SAXO1: variants seen among roughly 807,000 people sequenced by gnomAD.
SAXO1 encodes the protein stabilizer of axonemal microtubules 1.
A neutral mutation model predicts 17.5 loss-of-function variants in SAXO1; 21 were observed. The observed-to-expected ratio is 1.20, with a 90% CI of 0.85 to 1.72. The LOEUF (loss-of-function observed/expected upper bound fraction) is 1.72, where lower values mean the gene tolerates loss of function less well. Ranked by LOEUF, SAXO1 falls within the 40% of genes most tolerant of loss-of-function variation. SAXO1 has a pLI of 0.00. For synonymous variants in SAXO1, 274 were observed against 216.5 expected, an observed-to-expected ratio of 1.27 and a Z score of -2.33; for missense variants, 843 against 596.0, an observed-to-expected ratio of 1.41 and a Z score of -4.32.
In SAXO1 at chr9:18,979,679, A is replaced by T. The variant is rs958107320; in HGVS notation, c.39-28742T>A. ...GCAAGAGTGTATGGGCTGAGAGGAT[A>T]ACAGCCTAGAATTGGAGGCAGCATA... On this transcript the variant is annotated intron_variant, in intron 1 of 3. Transcript: ENST00000380534. Among the ~76,000 whole-genome samples, 3 of 152,336 alleles carry T rather than the reference A, an allele frequency of 2.0e-5. 1 individual carries two copies. The highest frequency in any genetic ancestry group is 2.0e-4 in the Admixed American group (3 of 15,302).
chr9:18,943,496 G>C (rs1304232349), intron 2 of SAXO1, among the ~76,000 whole-genome samples: 1 of 152,190 alleles, frequency 6.6e-6, no homozygotes, highest in African/African-American at 2.4e-5. Context: ...AAGAGGGTAA[G>C]TCCTTAGGCT....
At chr9:18,991,112 G>A (rs1210200036) in intron 1 of SAXO1, among the ~76,000 whole-genome samples, 2 of 152,026 alleles carry the variant, frequency 1.3e-5, no homozygotes, top group African/African-American at 4.8e-5. Flanking sequence ...ACAAAAACTA[G>A]ACATGCAAGG....
chr9:19,026,436 G>C (rs1835473403), intron 1 of SAXO1, among the ~76,000 whole-genome samples: 1 of 152,122 alleles, frequency 6.6e-6, no homozygotes, highest in South Asian at 2.1e-4. Context: ...AAATAAAAGA[G>C]CTAGAGACCA....
At chr9:18,986,608 G>C (rs1368302136) in intron 1 of SAXO1, among the ~76,000 whole-genome samples, 1 of 109,940 alleles carries the variant, frequency 9.1e-6, no homozygotes, top group African/African-American at 2.7e-5. Context: ...TTCTCCAAAG[G>C]AGAAAAAAAA....
intron 1 of SAXO1, among the ~76,000 whole-genome samples, chr9:18,997,345 C>T (rs143838598): frequency 4.7e-4 from 72 of 152,360 alleles, no homozygotes; most frequent in African/African-American, 1.6e-3. Flanking sequence ...TCACTGCTAG[C>T]GCAGCAGTAT....
In SAXO1 at chr9:18,941,529, A is replaced by T; in HGVS notation, c.421+108T>A. On this transcript the variant is annotated intron_variant, in intron 3 of 3. Transcript: ENST00000380534. ...TGGCCAGATCTGGCCCGTAGGAAGT[A>T]GTCTGCCAACTCTTGCACTAACTGA... 1.7e-5 allele frequency: 22 copies of T among 1,262,178 alleles called. No homozygotes were observed. In the South Asian group the frequency reaches 2.8e-4, roughly 16 times the overall value. The allele number at this position is 1,262,178 out of a possible 1,614,324, so 78.2% of individuals were successfully genotyped here.
intron 1 of SAXO1, among the ~76,000 whole-genome samples, chr9:18,960,251 C>T (rs942736569): frequency 6.6e-6 from 1 of 152,172 alleles, no homozygotes; most frequent in African/African-American, 2.4e-5. Flanking sequence ...TGCCAATGGC[C>T]TCATCACCTC....
chr9:18,966,125 G>A (rs1211284845), intron 1 of SAXO1, among the ~76,000 whole-genome samples: 1 of 152,200 alleles, frequency 6.6e-6, no homozygotes, highest in Non-Finnish European at 1.5e-5. Context: ...TTAGTCTGAT[G>A]GGCTTCCCTT....
rs181426817 is a variant in SAXO1, at chr9:18,945,861, C to T, written c.219-4022G>A. On this transcript the variant is annotated intron_variant, in intron 2 of 3. Transcript: ENST00000380534. ...AATGGCACTGTGTGAGGCTTCATTG[C>T]TTAATTTTCCATTAACTATTTAAGA... 5.4e-4 allele frequency among the ~76,000 whole-genome samples: 82 copies of T among 152,296 alleles called. 1 individual carries two copies. The highest frequency in any genetic ancestry group is 1.9e-3 in the African/African-American group (77 of 41,556).
chr9:18,961,027 G>A (rs1832462087), intron 1 of SAXO1, among the ~76,000 whole-genome samples: 1 of 152,090 alleles, frequency 6.6e-6, no homozygotes, highest in South Asian at 2.1e-4. Flanking sequence ...AACTCAGCAA[G>A]TGCACCTCAA....
At chr9:19,035,604 C>G (rs1186379267), upstream of SAXO1, among the ~76,000 whole-genome samples, 1 of 152,186 alleles carries the variant, frequency 6.6e-6, no homozygotes, top group African/African-American at 2.4e-5. Context: ...CCGAAGAAGA[C>G]AGGAAAATGT....
At chr9:19,025,762 C>T (rs1175586321) in intron 1 of SAXO1, among the ~76,000 whole-genome samples, 1 of 152,298 alleles carries the variant, frequency 6.6e-6, no homozygotes, top group South Asian at 2.1e-4. Flanking sequence ...TAAGCTATAT[C>T]AATCCCTTCA....
At chr9:19,036,319 T>G (rs565861705), upstream of SAXO1, among the ~76,000 whole-genome samples, 3 of 150,288 alleles carry the variant, frequency 2.0e-5, no homozygotes, top group African/African-American at 7.3e-5. Flanking sequence ...TGAGGAGAAA[T>G]TCAAGCTGGC....
At chr9:18,941,019 A>G (rs1235058367) in intron 3 of SAXO1, among the ~76,000 whole-genome samples, 1 of 152,218 alleles carries the variant, frequency 6.6e-6, no homozygotes, top group East Asian at 1.9e-4. Context: ...GGTACTGTTT[A>G]TATGGATTTG....
At chr9:19,015,642 C>T (rs888800270) in intron 1 of SAXO1, among the ~76,000 whole-genome samples, 1 of 113,096 alleles carries the variant, frequency 8.8e-6, no homozygotes, top group Non-Finnish European at 2.0e-5. Flanking sequence ...CACGCCTGGC[C>T]CTTTTTTTTT....
At chr9:18,933,629 T>C (rs535954674) in intron 3 of SAXO1, among the ~76,000 whole-genome samples, 117 of 152,354 alleles carry the variant, frequency 7.7e-4, no homozygotes, top group African/African-American at 2.8e-3. Context: ...GCCTTCATTA[T>C]TGAATCATAA....
chr9:19,004,323 T>C (rs2130967499), intron 1 of SAXO1, among the ~76,000 whole-genome samples: 1 of 152,356 alleles, frequency 6.6e-6, no homozygotes, highest in African/African-American at 2.4e-5. Context: ...GAAGACAGTG[T>C]GGTGATTCCT....
At chr9:18,950,336 T>C (rs1022029422) in intron 2 of SAXO1, among the ~76,000 whole-genome samples, 2 of 152,174 alleles carry the variant, frequency 1.3e-5, no homozygotes, top group African/African-American at 4.8e-5. Context: ...TTTTTCTCTA[T>C]TGCCAAGTTC....
At chr9:18,969,683 G>A (rs1832871192) in intron 1 of SAXO1, among the ~76,000 whole-genome samples, 1 of 151,870 alleles carries the variant, frequency 6.6e-6, no homozygotes, top group South Asian at 2.1e-4. Context: ...CACAATGCCT[G>A]GAACATCTAC....
Sources: allele counts gnomAD v4.1 joint callset (sites outside exome capture counted in the v4.1 genomes callset), GRCh38; gene constraint gnomAD v4.1.1; transcripts MANE v1.5; gene names NCBI Gene and HGNC (gene_info 2026-07-23, HGNC 2026-07-21).